Variants in CCDC144A observed in about 807,000 individuals in gnomAD.
CCDC144A encodes the protein coiled-coil domain containing 144A.
In CCDC144A, 41 loss-of-function variants were observed where a neutral mutation model predicts 143.8. That is an observed-to-expected ratio of 0.29 (90% CI 0.22 to 0.37). The LOEUF (loss-of-function observed/expected upper bound fraction) is 0.37. Ranked by LOEUF, CCDC144A falls within the 10% of genes least tolerant of loss-of-function variation. The pLI is 1.00. For synonymous variants in CCDC144A, 242 were observed against 517.9 expected, an observed-to-expected ratio of 0.47 and a Z score of 7.23; for missense variants, 637 against 1,488.8, an observed-to-expected ratio of 0.43 and a Z score of 9.41.
In CCDC144A at chr17:16,775,654, G is replaced by A. The variant is rs1407362241; in HGVS notation, c.*2021G>A. On this transcript the variant is annotated 3_prime_UTR_variant, in exon 17 of 17. Transcript: ENST00000399273. Reference sequence around the variant, plus strand: ...AAAATTTTCTCCCATTCTGTAGGTTGTCGGTTTACTCTGTTGATAGGTTCT... The same window carrying A: ...AAAATTTTCTCCCATTCTGTAGGTTATCGGTTTACTCTGTTGATAGGTTCT... 1 of 152,156 alleles carries A rather than the reference G, an allele frequency of 6.6e-6. No individual in the cohort carries two copies. Among genetic ancestry groups the A allele is most frequent in the Non-Finnish European group, 1.5e-5 (1 of 68,042 alleles). 9.4% of individuals were successfully genotyped at this position (152,156 alleles called of 1,614,324 possible).
chr17:16,712,022 C>T (rs1270944745), intron 6 of CCDC144A: 1 of 709,110 alleles, frequency 1.4e-6, no homozygotes, highest in Non-Finnish European at 2.2e-6. Context: ...CCCAGTTACT[C>T]AGGAGGCTGA....
intron 12 of CCDC144A, among the ~76,000 whole-genome samples, chr17:16,757,160 C>A (rs963734112): frequency 5.9e-5 from 9 of 152,264 alleles, no homozygotes; most frequent in East Asian, 3.8e-4. Flanking sequence ...GGCCAAAGGA[C>A]CTTGGTGACA....
chr17:16,758,641 C>T (rs1915213165), intron 12 of CCDC144A, among the ~76,000 whole-genome samples: 1 of 152,254 alleles, frequency 6.6e-6, no homozygotes, highest in Non-Finnish European at 1.5e-5. Context: ...GAACCATCCT[C>T]TGTGGCTTTT....
At chr17:16,758,669 T>C (rs1464639210) in intron 12 of CCDC144A, among the ~76,000 whole-genome samples, 3 of 152,360 alleles carry the variant, frequency 2.0e-5, no homozygotes, top group East Asian at 1.9e-4. Flanking sequence ...CCTTCTTGGC[T>C]CTTTGTTGTA....
At chr17:16,702,326 C>G (rs1481665908) in intron 2 of CCDC144A, among the ~76,000 whole-genome samples, 2 of 152,142 alleles carry the variant, frequency 1.3e-5, no homozygotes, top group Admixed American at 1.3e-4. Context: ...AGGGAGTGAT[C>G]TTTCCAATGG....
chr17:16,753,985 C>T (rs1442955319), intron 12 of CCDC144A, among the ~76,000 whole-genome samples: 1 of 152,204 alleles, frequency 6.6e-6, no homozygotes, highest in Admixed American at 6.5e-5. Flanking sequence ...TGTTGGTAAA[C>T]TTTATTACTG....
chr17:16,687,076 T>C (rs1910810404), upstream of CCDC144A, among the ~76,000 whole-genome samples: 1 of 152,174 alleles, frequency 6.6e-6, no homozygotes, highest in Non-Finnish European at 1.5e-5. Flanking sequence ...TTACATTTTC[T>C]ATACTCAGCA....
At chr17:16,751,759 G>C (rs1313605912) in intron 12 of CCDC144A, among the ~76,000 whole-genome samples, 1 of 152,240 alleles carries the variant, frequency 6.6e-6, no homozygotes, top group Non-Finnish European at 1.5e-5. Context: ...TGTGGGTCAA[G>C]GGGGGAGGAT....
chr17:16,688,779 C>T (rs1364641751), upstream of CCDC144A, among the ~76,000 whole-genome samples: 1 of 152,072 alleles, frequency 6.6e-6, no homozygotes, highest in Non-Finnish European at 1.5e-5. Context: ...GGAGCCACTG[C>T]GCCCGGCCAC....
intron 12 of CCDC144A, among the ~76,000 whole-genome samples, chr17:16,743,983 G>C (rs1289173435): frequency 6.6e-6 from 1 of 152,210 alleles, no homozygotes; most frequent in Non-Finnish European, 1.5e-5. Context: ...ATGGCCTCCA[G>C]CTGCATCCAT....
chr17:16,683,673 G>C, the CCDC144A span: 4 of 1,605,896 alleles, frequency 2.5e-6, no homozygotes, highest in Non-Finnish European at 3.4e-6. Flanking sequence ...GGAAGTTTCA[G>C]AAGGGCAGGA....
At chr17:16,754,987 C>A (rs1915007322) in intron 12 of CCDC144A, among the ~76,000 whole-genome samples, 2 of 152,214 alleles carry the variant, frequency 1.3e-5, no homozygotes, top group Admixed American at 6.5e-5. Context: ...ATGCCCTTCT[C>A]TTTCTCTTTT....
chr17:16,677,036 A>G, the CCDC144A span, among the ~76,000 whole-genome samples: 2 of 152,110 alleles, frequency 1.3e-5, no homozygotes, highest in Non-Finnish European at 2.9e-5. Flanking sequence ...TGTCTCCCTC[A>G]GGTGATTCTG....
upstream of CCDC144A, among the ~76,000 whole-genome samples, chr17:16,689,131 C>T (rs986419155): frequency 2.0e-5 from 3 of 152,040 alleles, no homozygotes; most frequent in African/African-American, 4.8e-5. Context: ...TGTCACCCTT[C>T]CTTCCTTTCT....
chr17:16,741,251 A>G (rs1597574635), intron 12 of CCDC144A, among the ~76,000 whole-genome samples: 1 of 152,178 alleles, frequency 6.6e-6, no homozygotes, highest in African/African-American at 2.4e-5. Context: ...CTTGGCTGGG[A>G]CAGCTTGCCT....
intron 9 of CCDC144A, among the ~76,000 whole-genome samples, chr17:16,729,983 T>TAC (rs1273212482): frequency 7.4e-6 from 1 of 136,048 alleles, no homozygotes; most frequent in Non-Finnish European, 1.6e-5. Flanking sequence ...TATATATATA[T>TAC]ATATATATAC....
At chr17:16,715,275 G>A (rs1026761007) in intron 6 of CCDC144A, among the ~76,000 whole-genome samples, 2 of 148,750 alleles carry the variant, frequency 1.3e-5, no homozygotes, top group African/African-American at 5.0e-5. Flanking sequence ...TTTACCCTTC[G>A]GTGTATTGTT....
At chr17:16,673,272 T>C in the CCDC144A span, among the ~76,000 whole-genome samples, 1 of 152,044 alleles carries the variant, frequency 6.6e-6, no homozygotes, top group Non-Finnish European at 1.5e-5. Flanking sequence ...GAGAATTTTA[T>C]TCCTCATACT....
chr17:16,677,031 C>A, the CCDC144A span, among the ~76,000 whole-genome samples: 1 of 152,078 alleles, frequency 6.6e-6, no homozygotes, highest in Non-Finnish European at 1.5e-5. Context: ...AAAAATGTCT[C>A]CCTCAGGTGA....
Sources: allele counts gnomAD v4.1 joint callset (sites outside exome capture counted in the v4.1 genomes callset), GRCh38; gene constraint gnomAD v4.1.1; transcripts MANE v1.5; gene names NCBI Gene and HGNC (gene_info 2026-07-23, HGNC 2026-07-21).